The following TCAIM variants were observed in gnomAD, a reference collection of about 807,000 sequenced individuals.
The protein encoded by TCAIM is T cell activation inhibitor, mitochondrial.
TCAIM carries 36 observed loss-of-function variants against 58.6 expected under a neutral mutation model. The observed-to-expected ratio is 0.61, with a 90% CI of 0.47 to 0.81. The LOEUF is 0.81. TCAIM is among the 30% of genes least tolerant of loss of function. The probability of loss-of-function intolerance (pLI) is 0.00; values close to 1 mark genes in which losing one functional copy is unlikely to be tolerated. For synonymous variants in TCAIM, 172 were observed against 193.6 expected, an observed-to-expected ratio of 0.89 and a Z score of 0.93; for missense variants, 466 against 579.6, an observed-to-expected ratio of 0.80 and a Z score of 2.01.
intron 5 of TCAIM, chr3:44,391,175 C>A (rs1391235180): frequency 1.3e-5 from 2 of 152,148 alleles, no homozygotes; most frequent in African/African-American, 4.8e-5. Flanking sequence ...CCCTTCTAAT[C>A]CTTAAAGACT....
upstream of TCAIM, chr3:44,338,734 G>T (rs992047213): frequency 3.9e-5 from 6 of 152,350 alleles, no homozygotes; most frequent in African/African-American, 1.2e-4. Context: ...ATGCGCGTCC[G>T]AACAGCCCTG....
intron 1 of TCAIM, among the ~76,000 whole-genome samples, chr3:44,346,270 G>A (rs1183779559): frequency 6.6e-6 from 1 of 152,190 alleles, no homozygotes; most frequent in Admixed American, 6.5e-5. Flanking sequence ...GACTAGTAAA[G>A]GCTGGTCCAT....
chr3:44,352,077 A>ATG (rs899405676), intron 1 of TCAIM, among the ~76,000 whole-genome samples: 5 of 148,058 alleles, frequency 3.4e-5, no homozygotes, highest in Non-Finnish European at 5.9e-5. Context: ...AGTCATATAT[A>ATG]TGTGTGTGTG....
At chr3:44,396,705 C>T in intron 7 of TCAIM, 38 bp from the exon 8 acceptor site, 1 of 1,600,630 alleles carries the variant, frequency 6.2e-7, no homozygotes, top group Non-Finnish European at 8.5e-7. Flanking sequence ...GAATGAAGCA[C>T]CTCGACCATG....
intron 6 of TCAIM, among the ~76,000 whole-genome samples, chr3:44,394,814 A>C (rs1701896597): frequency 6.9e-6 from 1 of 144,984 alleles, no homozygotes; most frequent in Non-Finnish European, 1.5e-5. Context: ...GAATTGCTTG[A>C]ACTCAGGAGA....
Position 44,407,543 on chromosome 3 carries a change from A to G in TCAIM, c.1352A>G (p.Asp451Gly). The change falls in exon 11 of 11, where the codon GAT becomes GGT. Residue 451 changes from aspartate to glycine, a missense_variant. By Grantham distance (94) the Asp-to-Gly change is moderately conservative. Coordinates refer to ENST00000342649, the MANE Select transcript of TCAIM (RefSeq NM_173826.4). ...EPSISSIQMVDCCKRLLEQSL... is the reference protein window; with the variant it reads ...EPSISSIQMVGCCKRLLEQSL... Reference sequence around the variant, plus strand: ...AGCATTTCTAGTATACAAATGGTGGATTGTTGTAAGAGACTTCTAGAACAA... The same window carrying G: ...AGCATTTCTAGTATACAAATGGTGGGTTGTTGTAAGAGACTTCTAGAACAA... 1.2e-6 allele frequency: 2 copies of G among 1,613,890 alleles called. No individual in the cohort carries two copies. Among genetic ancestry groups the G allele is most frequent in the Non-Finnish European group, 1.7e-6 (2 of 1,179,940 alleles).
chr3:44,355,712 A>C (rs796688825), intron 2 of TCAIM, among the ~76,000 whole-genome samples: 2 of 152,366 alleles, frequency 1.3e-5, no homozygotes, highest in African/African-American at 4.8e-5. Context: ...GCTTTGCAAC[A>C]TTGAGAAAGG....
chr3:44,375,349 C>A (rs563019817), intron 5 of TCAIM, among the ~76,000 whole-genome samples: 6 of 152,112 alleles, frequency 3.9e-5, no homozygotes, highest in African/African-American at 1.4e-4. Context: ...GTAGGGACTT[C>A]AGAAAGCTTC....
Position 44,338,766 on chromosome 3 carries a change from C to T in TCAIM, c.-113C>T, listed in dbSNP as rs1332523744. 3 of 152,340 alleles carry T rather than the reference C, an allele frequency of 2.0e-5. No homozygotes were observed. The highest frequency in any genetic ancestry group is 6.5e-5 in the Admixed American group (1 of 15,292). 9.4% of individuals were successfully genotyped at this position (152,340 alleles called of 1,614,324 possible). A position where few individuals can be genotyped will look rare whatever the true frequency, so the allele number is the denominator to read the frequency against. On this transcript the variant is annotated 5_prime_UTR_variant, in exon 1 of 11. Transcript: ENST00000342649. Reference sequence around the variant, plus strand: ...CCTGCGGGCGGAGCGACTGTCCTCCCTTCTGGTGTACTGGGTGGGAGGTGG... The same window carrying T: ...CCTGCGGGCGGAGCGACTGTCCTCCTTTCTGGTGTACTGGGTGGGAGGTGG...
intron 4 of TCAIM, 50 bp from the exon 5 acceptor site, chr3:44,367,406 A>G: frequency 6.6e-7 from 1 of 1,525,376 alleles, no homozygotes; most frequent in South Asian, 1.3e-5. Context: ...ATGTTGAAAT[A>G]AAGCAAATAA....
intron 1 of TCAIM, among the ~76,000 whole-genome samples, chr3:44,351,448 C>T (rs1413027631): frequency 6.6e-6 from 1 of 151,694 alleles, no homozygotes; most frequent in African/African-American, 2.4e-5. Flanking sequence ...TATCAATGTG[C>T]ATGGTTTAAA....
At chr3:44,356,437 G>T (rs533511855) in intron 2 of TCAIM, among the ~76,000 whole-genome samples, 1 of 152,126 alleles carries the variant, frequency 6.6e-6, no homozygotes, top group South Asian at 2.1e-4. Context: ...TGAGGCAGGA[G>T]AATTGCTTGA....
rs759478900 is a variant in TCAIM at position 44,392,912 on chromosome 3, A to G, written c.630A>G (p.Pro210=). Residue 210 remains proline (P), a synonymous_variant, in exon 6 of 11, where the codon CCA becomes CCG. Transcript: ENST00000342649. ...SAVKKLKNSL[P]LRKELDRLKD... ...TTAAAAAGCTAAAGAACAGTTTGCC[A>G]CTTAGAAAAGAACTAGATCGTTTAA... The G allele has an allele frequency of 1.2e-6, 2 of 1,613,624 alleles. No homozygotes were observed. Among genetic ancestry groups the G allele is most frequent in the South Asian group, 2.2e-5 (2 of 91,062 alleles).
At chr3:44,396,275 C>CAT (rs968077839) in intron 6 of TCAIM, 125 bp from the exon 7 acceptor site, 1 of 682,272 alleles carries the variant, frequency 1.5e-6, no homozygotes, top group Non-Finnish European at 2.4e-6. Flanking sequence ...TCAATCAAAA[C>CAT]ATGTTATGTG....
intron 5 of TCAIM, among the ~76,000 whole-genome samples, chr3:44,390,274 T>C (rs1250732809): frequency 6.6e-6 from 1 of 152,226 alleles, no homozygotes; most frequent in African/African-American, 2.4e-5. Flanking sequence ...CTAAAACATT[T>C]AAAGTGAATA....
At chr3:44,386,209 C>CAAAAAAAAAAAAA (rs10576012) in intron 5 of TCAIM, among the ~76,000 whole-genome samples, 2 of 54,990 alleles carry the variant, frequency 3.6e-5, no homozygotes, top group Non-Finnish European at 3.2e-5. Context: ...CCAGAAGCTC[C>CAAAAAAAAAAAAA]AAAAAAAAAA....
At chr3:44,358,087 T>C in intron 3 of TCAIM, 1 of 1,388,930 alleles carries the variant, frequency 7.2e-7, no homozygotes, top group Middle Eastern at 2.4e-4. Context: ...AATAAAGCTG[T>C]CATTTAAACT....
intron 2 of TCAIM, among the ~76,000 whole-genome samples, chr3:44,356,811 C>CA (rs1297782768): frequency 0.03 from 2,124 of 69,824 alleles, 46 homozygotes; most frequent in African/African-American, 0.092. Flanking sequence ...ACTAAAAATA[C>CA]AAAAAAAAAA....
At chr3:44,389,985 A>G (rs186474008) in intron 5 of TCAIM, among the ~76,000 whole-genome samples, 45 of 152,274 alleles carry the variant, frequency 3.0e-4, no homozygotes, top group African/African-American at 9.4e-4. Flanking sequence ...GATCTGATAC[A>G]TCTTTCAGGT....
Sources: allele counts gnomAD v4.1 joint callset (sites outside exome capture counted in the v4.1 genomes callset), GRCh38; gene constraint gnomAD v4.1.1; transcripts MANE v1.5; gene names NCBI Gene and HGNC (gene_info 2026-07-23, HGNC 2026-07-21).